Variants in ENOX2 observed in about 807,000 individuals in gnomAD.
The protein encoded by ENOX2 is APK1 antigen.
Under a neutral mutation model 45.0 loss-of-function variants are expected in ENOX2, and 36 were observed. That is an observed-to-expected ratio of 0.80 (90% confidence interval 0.61 to 1.06). The LOEUF (loss-of-function observed/expected upper bound fraction) is 1.06. ENOX2 is among the 50% of genes least tolerant of loss of function. ENOX2 has a pLI of 0.00. For synonymous variants in ENOX2, 174 were observed against 152.3 expected (o/e 1.14, Z -1.05); for missense variants, 423 against 462.5 (o/e 0.91, Z 0.78).
chrX:130,788,384 C>G (rs1188470394), intron 2 of ENOX2, among the ~76,000 whole-genome samples: 3 of 111,622 alleles, frequency 2.7e-5, no homozygotes, highest in Non-Finnish European at 5.6e-5. Flanking sequence ...TTGAGGTTAT[C>G]TAGTTTATTC....
At chrX:130,668,526 T>C (rs1402513946) in intron 7 of ENOX2, among the ~76,000 whole-genome samples, 1 of 112,262 alleles carries the variant, frequency 8.9e-6, no homozygotes, top group Non-Finnish European at 1.9e-5. Flanking sequence ...GTTAAGATAG[T>C]AGCACAGCTC....
chrX:130,653,395 C>A (rs1413655227), intron 10 of ENOX2, among the ~76,000 whole-genome samples: 5 of 112,104 alleles, frequency 4.5e-5, no homozygotes. Flanking sequence ...TATGCGAAAT[C>A]TAAGGTTGGC....
At chrX:130,718,064 CTTCTCTCTCTCT>C (rs2038374853) in intron 3 of ENOX2, among the ~76,000 whole-genome samples, 1 of 111,049 alleles carries the variant, frequency 9.0e-6, no homozygotes, top group African/African-American at 3.3e-5. Flanking sequence ...TCTCTTCCTC[CTTCTCTCTCTCT>C]TTCTCTATCT....
chrX:130,895,821 CA>C (rs1209236521), intron 2 of ENOX2, among the ~76,000 whole-genome samples: 2 of 110,814 alleles, frequency 1.8e-5, no homozygotes, highest in Admixed American at 9.5e-5. Flanking sequence ...TCAGTAAAGG[CA>C]AAAAAAGGAA....
intron 2 of ENOX2, among the ~76,000 whole-genome samples, chrX:130,900,015 T>G (rs1210386372): frequency 2.7e-5 from 3 of 112,311 alleles, no homozygotes; most frequent in Non-Finnish European, 5.6e-5. Context: ...CTTGGGTCTT[T>G]ATTGTCTCTC....
At chrX:130,846,337 ATT>A (rs772373264) in intron 2 of ENOX2, among the ~76,000 whole-genome samples, 11 of 99,757 alleles carry the variant, frequency 1.1e-4, no homozygotes, top group Admixed American at 1.1e-4. Flanking sequence ...CCATGTGGCA[ATT>A]TTTTTTTTTT....
chrX:130,699,826 T>C (rs1235128931), intron 4 of ENOX2, among the ~76,000 whole-genome samples: 1 of 112,004 alleles, frequency 8.9e-6, no homozygotes, highest in Non-Finnish European at 1.9e-5. Context: ...CAGGCAAAAA[T>C]TTCACGCTTG....
At chrX:130,691,528 T>A (rs887970310) in intron 4 of ENOX2, among the ~76,000 whole-genome samples, 2 of 112,337 alleles carry the variant, frequency 1.8e-5, no homozygotes, top group African/African-American at 6.5e-5. Context: ...GCACTATGGT[T>A]AAGAATGCCA....
intron 3 of ENOX2, among the ~76,000 whole-genome samples, chrX:130,706,040 G>A (rs193234940): frequency 8.9e-6 from 1 of 111,947 alleles, no homozygotes; most frequent in East Asian, 2.8e-4. Context: ...CACCTCATTG[G>A]AATTAATTAC....
At chrX:130,896,674 C>A (rs1259613017) in intron 2 of ENOX2, among the ~76,000 whole-genome samples, 1 of 111,995 alleles carries the variant, frequency 8.9e-6, no homozygotes, top group Non-Finnish European at 1.9e-5. Context: ...GATCATGTAG[C>A]AGGAAAACTA....
intron 2 of ENOX2, among the ~76,000 whole-genome samples, chrX:130,853,356 C>G (rs1306985388): frequency 9.8e-6 from 1 of 101,743 alleles, no homozygotes; most frequent in Non-Finnish European, 2.0e-5. Context: ...CCCAGCTACT[C>G]GGGAGGCTGA....
chrX:130,771,577 T>C (rs2039742673), intron 3 of ENOX2, among the ~76,000 whole-genome samples: 2 of 112,200 alleles, frequency 1.8e-5, no homozygotes. Flanking sequence ...CTCTTCTCCA[T>C]CCCTATTTCC....
intron 10 of ENOX2, among the ~76,000 whole-genome samples, chrX:130,642,165 G>A (rs943189254): frequency 2.7e-5 from 3 of 112,374 alleles, no homozygotes; most frequent in Admixed American, 9.4e-5. Flanking sequence ...TCATGATTCT[G>A]GGGAGGAGGT....
intron 3 of ENOX2, among the ~76,000 whole-genome samples, chrX:130,705,970 T>C (rs2038027621): frequency 8.9e-6 from 1 of 111,959 alleles, no homozygotes; most frequent in East Asian, 2.8e-4. Flanking sequence ...TAATCTCTCA[T>C]GGCCGTGTGA....
intron 2 of ENOX2, among the ~76,000 whole-genome samples, chrX:130,804,459 T>C (rs1013139365): frequency 3.6e-5 from 4 of 111,980 alleles, no homozygotes; most frequent in Non-Finnish European, 7.5e-5. Flanking sequence ...TTAACCTTTG[T>C]AGGAGTCCTG....
intron 3 of ENOX2, among the ~76,000 whole-genome samples, chrX:130,772,402 A>T (rs1337194710): frequency 2.7e-5 from 3 of 111,770 alleles, no homozygotes; most frequent in South Asian, 7.6e-4. Context: ...GAGGGGAATA[A>T]AAAAGGCCAG....
At chrX:130,822,586 A>G (rs1419912055) in intron 2 of ENOX2, among the ~76,000 whole-genome samples, 1 of 109,690 alleles carries the variant, frequency 9.1e-6, no homozygotes, top group Non-Finnish European at 1.9e-5. Context: ...ATGAGAACAC[A>G]TGGACACAGG....
chrX:130,632,535 G>A, intron 12 of ENOX2, among the ~76,000 whole-genome samples: 1 of 111,303 alleles, frequency 9.0e-6, no homozygotes, highest in Non-Finnish European at 1.9e-5. Flanking sequence ...AGGAATAAAA[G>A]AAATCACTGC....
intron 3 of ENOX2, among the ~76,000 whole-genome samples, chrX:130,722,253 C>T (rs2038498359): frequency 8.9e-6 from 1 of 111,930 alleles, no homozygotes; most frequent in South Asian, 3.8e-4. Flanking sequence ...TTCAGCCAAA[C>T]TTCGGTGATA....
Sources: gnomAD v4.1 joint callset for allele counts (sites outside exome capture counted in the v4.1 genomes callset) on GRCh38, gnomAD v4.1.1 for gene constraint, MANE v1.5 for transcripts, NCBI Gene and HGNC (gene_info 2026-07-23, HGNC 2026-07-21) for gene names.